CDK17: variants seen among roughly 807,000 people sequenced by gnomAD.
The protein encoded by CDK17 is cyclin-dependent kinase 17.
In CDK17, 24 loss-of-function variants were observed where a neutral mutation model predicts 77.6. That is an observed-to-expected ratio of 0.31 (90% confidence interval 0.22 to 0.44). The LOEUF (loss-of-function observed/expected upper bound fraction) is 0.44. Among genes scored for constraint, CDK17 ranks in the 20% least tolerant of loss-of-function variants. The pLI, the probability that CDK17 is intolerant of heterozygous loss-of-function variation, is 1.00. For missense variants in CDK17, 429 were observed against 622.5 expected (o/e 0.69, Z 3.31); for synonymous variants, 203 against 210.4 (o/e 0.96, Z 0.30).
intron 1 of CDK17, among the ~76,000 whole-genome samples, chr12:96,362,958 C>T (rs1953518802): frequency 6.6e-6 from 1 of 152,014 alleles, no homozygotes; most frequent in Non-Finnish European, 1.5e-5. Flanking sequence ...TCTCAGCATC[C>T]AAGGTACAGT....
At chr12:96,297,361 A>T in intron 8 of CDK17, 29 bp from the exon 9 acceptor site, 1 of 1,436,654 alleles carries the variant, frequency 7.0e-7, no homozygotes, top group Non-Finnish European at 9.7e-7. Flanking sequence ...CTGCTATGTG[A>T]TACACCATTT....
At chr12:96,352,485 A>G (rs35755905) in intron 1 of CDK17, among the ~76,000 whole-genome samples, 7,919 of 152,212 alleles carry the variant, frequency 0.052, 272 homozygotes, top group Non-Finnish European at 0.064. Flanking sequence ...ACTGGGCTAT[A>G]AAGGCTGGGG....
chr12:96,368,514 G>A (rs750863274), intron 1 of CDK17, among the ~76,000 whole-genome samples: 45 of 152,146 alleles, frequency 3.0e-4, no homozygotes, highest in Non-Finnish European at 5.4e-4. Flanking sequence ...AAGAGCTCTG[G>A]AGCCCTCTCT....
chr12:96,377,630 T>C (rs557816624), intron 1 of CDK17, among the ~76,000 whole-genome samples: 32 of 152,148 alleles, frequency 2.1e-4, no homozygotes, highest in African/African-American at 7.2e-4. Context: ...CTGTTGCACA[T>C]TTAGGTGGTA....
intron 1 of CDK17, among the ~76,000 whole-genome samples, chr12:96,381,287 T>G (rs1313474389): frequency 1.3e-5 from 2 of 151,854 alleles, no homozygotes; most frequent in South Asian, 2.1e-4. Context: ...TTCAAAGAGA[T>G]GAGTGATACA....
chr12:96,340,084 T>C (rs1212217852), intron 1 of CDK17, among the ~76,000 whole-genome samples: 4 of 151,980 alleles, frequency 2.6e-5, no homozygotes, highest in South Asian at 2.1e-4. Flanking sequence ...ACATTTCTAC[T>C]GGACAATGCT....
intron 7 of CDK17, among the ~76,000 whole-genome samples, chr12:96,297,977 C>T (rs1952434907): frequency 6.6e-6 from 1 of 150,656 alleles, no homozygotes. Context: ...CAATAATTTA[C>T]CAAGGGGATT....
intron 12 of CDK17, 68 bp from the exon 13 acceptor site, chr12:96,286,216 C>G (rs1196105796): frequency 2.8e-6 from 1 of 353,280 alleles, no homozygotes; most frequent in African/African-American, 2.2e-5. Context: ...AAATTATATA[C>G]ACATATATAT....
chr12:96,342,297 T>C (rs928044988), intron 1 of CDK17, among the ~76,000 whole-genome samples: 1 of 152,184 alleles, frequency 6.6e-6, no homozygotes, highest in Middle Eastern at 3.2e-3. Context: ...CCCAACACAC[T>C]CTAGGACATG....
intron 3 of CDK17, among the ~76,000 whole-genome samples, chr12:96,315,588 A>G (rs1231706572): frequency 6.6e-6 from 1 of 152,238 alleles, no homozygotes; most frequent in Non-Finnish European, 1.5e-5. Flanking sequence ...TAATTTAATC[A>G]TGGCTTCCAT....
intron 1 of CDK17, among the ~76,000 whole-genome samples, chr12:96,364,642 C>T (rs1447179642): frequency 1.3e-5 from 2 of 152,184 alleles, no homozygotes; most frequent in Admixed American, 1.3e-4. Context: ...AATATATCCT[C>T]CTTACAACAA....
At chr12:96,318,967 A>G (rs1278315388) in intron 3 of CDK17, among the ~76,000 whole-genome samples, 1 of 146,460 alleles carries the variant, frequency 6.8e-6, no homozygotes, top group African/African-American at 2.5e-5. Flanking sequence ...AACTGAAGGA[A>G]ATAGAGACAC....
intron 5 of CDK17, among the ~76,000 whole-genome samples, chr12:96,304,647 C>T (rs1952553895): frequency 6.6e-6 from 1 of 152,110 alleles, no homozygotes; most frequent in South Asian, 2.1e-4. Context: ...GTGTTTTATC[C>T]CTTAGACTTG....
chr12:96,386,540 C>T (rs1953978900), intron 1 of CDK17, among the ~76,000 whole-genome samples: 1 of 152,022 alleles, frequency 6.6e-6, no homozygotes, highest in Non-Finnish European at 1.5e-5. Context: ...ACCTGTAAGT[C>T]CCAGCTACTC....
At chr12:96,302,706 T>C (rs763278958) in intron 5 of CDK17, among the ~76,000 whole-genome samples, 2 of 152,218 alleles carry the variant, frequency 1.3e-5, no homozygotes, top group African/African-American at 2.4e-5. Context: ...GAATGAATAC[T>C]ACTATGTTCT....
intron 1 of CDK17, among the ~76,000 whole-genome samples, chr12:96,398,631 C>T (rs1271180458): frequency 2.0e-5 from 3 of 152,168 alleles, no homozygotes; most frequent in Non-Finnish European, 4.4e-5. Context: ...AATCTTTCAA[C>T]AAAGACTCAA....
At position 96,300,422 on chromosome 12, in the gene CDK17, C is replaced by T. The variant is rs916859850; in HGVS notation, c.544-62G>A. On this transcript the variant is annotated intron_variant, in intron 5 of 16. Coordinates refer to ENST00000261211, the MANE Select transcript of CDK17 (RefSeq NM_002595.5). ...TTTTTTTTTTTTTTTGAGACAGCAT[C>T]GTCTCACTCTGTTGCCCAGGCTGGA... 1.6e-5 allele frequency: 15 copies of T among 953,162 alleles called. No individual in the cohort carries two copies. The South Asian group carries it at 1.7e-4, about 11-fold the overall frequency. The allele number at this position is 953,162 out of a possible 1,614,324, so 59.0% of individuals were successfully genotyped here. A position where few individuals can be genotyped will look rare whatever the true frequency, so the allele number is the denominator to read the frequency against.
Position 96,297,342 on chromosome 12 carries a change from C to A in CDK17, c.811-10G>T, listed in dbSNP as rs756256537. The A allele has an allele frequency of 2.5e-6, 4 of 1,586,516 alleles. No homozygotes were observed. The highest frequency in any genetic ancestry group is 1.7e-5 in the Admixed American group (1 of 59,674). ...GTTTCAGGTCTTTATCCTGGAAAAA[C>A]ACAGCACTCTGCTATGTGATACACC... On this transcript the variant is annotated splice_polypyrimidine_tract_variant and intron_variant, in intron 8 of 16. Transcript: ENST00000261211.
chr12:96,278,571 T>A lies in CDK17; in HGVS notation c.*1671A>T, dbSNP rs1952134577. The A allele has an allele frequency of 6.6e-6, 1 of 152,548 alleles. No homozygotes were observed. Among genetic ancestry groups the A allele is most frequent in the Non-Finnish European group, 1.5e-5 (1 of 67,982 alleles). 9.4% of individuals were successfully genotyped at this position (152,548 alleles called of 1,614,324 possible). ...AACCACATTTTAACAACATGGAGAT[T>A]TTGTTATTATAAATTTCAAAACAAA... On this transcript the variant is annotated 3_prime_UTR_variant, in exon 17 of 17. Coordinates refer to ENST00000261211, the MANE Select transcript of CDK17 (RefSeq NM_002595.5).
Sources: gnomAD v4.1 joint callset for allele counts (sites outside exome capture counted in the v4.1 genomes callset) on GRCh38, gnomAD v4.1.1 for gene constraint, MANE v1.5 for transcripts, NCBI Gene and HGNC (gene_info 2026-07-23, HGNC 2026-07-21) for gene names.